The following RASGEF1B variants were observed in gnomAD, a reference collection of about 807,000 sequenced individuals.
RASGEF1B encodes the protein ras-GEF domain-containing family member 1B.
A neutral mutation model predicts 65.7 loss-of-function variants in RASGEF1B; 30 were observed. That is an observed-to-expected ratio of 0.46 (90% CI 0.34 to 0.62). The LOEUF (loss-of-function observed/expected upper bound fraction) is 0.62, where lower values mean the gene tolerates loss of function less well. Ranked by LOEUF, RASGEF1B falls within the 20% of genes least tolerant of loss-of-function variation. The pLI is 0.01. For missense variants in RASGEF1B, 495 were observed against 580.1 expected (o/e 0.85, Z 1.51); for synonymous variants, 175 against 194.8 (o/e 0.90, Z 0.85).
At chr4:81,466,770 A>AAAAAAAAAGAAAGAAAG (rs748492254) in intron 1 of RASGEF1B, among the ~76,000 whole-genome samples, 22 of 36,096 alleles carry the variant, frequency 6.1e-4, no homozygotes, top group African/African-American at 2.0e-3. Context: ...AAAAAAAAAA[A>AAAAAAAAAGAAAGAAAG]AAAGAAAGAA....
chr4:81,461,167 C>T (rs527316061), intron 1 of RASGEF1B, among the ~76,000 whole-genome samples: 523 of 152,314 alleles, frequency 3.4e-3, no homozygotes, highest in Admixed American at 0.01. Context: ...ATGAGTACTA[C>T]TCCTGTGCAA....
At chr4:81,466,770 A>AGAAAGAAAGAAAGAAAGAAAGAAGGAAAG (rs1553947089) in intron 1 of RASGEF1B, among the ~76,000 whole-genome samples, 1 of 36,100 alleles carries the variant, frequency 2.8e-5, no homozygotes, top group African/African-American at 9.5e-5. Flanking sequence ...AAAAAAAAAA[A>AGAAAGAAAGAAAGAAAGAAAGAAGGAAAG]AAAGAAAGAA....
intron 1 of RASGEF1B, among the ~76,000 whole-genome samples, chr4:81,461,960 G>A (rs1183607097): frequency 4.6e-5 from 7 of 152,186 alleles, no homozygotes; most frequent in Admixed American, 3.9e-4. Context: ...AAACGGTCAT[G>A]GGTCACTCAG....
intron 1 of RASGEF1B, among the ~76,000 whole-genome samples, chr4:81,466,777 A>AGAAAG (rs1722837592): frequency 1.5e-5 from 2 of 136,126 alleles, no homozygotes; most frequent in African/African-American, 6.0e-5. Context: ...AAAAAAAGAA[A>AGAAAG]GAAAGAAAGA....
At chr4:81,439,933 C>T (rs78235718) in intron 10 of RASGEF1B, among the ~76,000 whole-genome samples, 3,026 of 152,204 alleles carry the variant, frequency 0.02, 115 homozygotes, top group African/African-American at 0.069. Context: ...GAACCAAGTT[C>T]GCATTTATTA....
intron 1 of RASGEF1B, among the ~76,000 whole-genome samples, chr4:81,462,959 T>C (rs183677219): frequency 1.5e-3 from 224 of 152,280 alleles, no homozygotes; most frequent in African/African-American, 5.1e-3. Flanking sequence ...ATAACTCGCT[T>C]GGGGTTAGAC....
chr4:81,434,653 G>T lies in RASGEF1B; in HGVS notation c.1186C>A (p.His396Asn). 6.3e-7 allele frequency: 1 copy of T among 1,593,006 alleles called. No individual in the cohort carries two copies. The highest frequency in any genetic ancestry group is 8.6e-7 in the Non-Finnish European group (1 of 1,160,886). ...EGCANRLPNG[H>N]VNFEKFWELA... ...ATCACACTCACCTCAAAATTGACAT[G>T]GCCATTGGGAAGGCGGTTGGCACAA... Residue 396 changes from histidine (H) to asparagine (N), a missense_variant, in exon 11 of 14, where the codon CAT becomes AAT. By Grantham distance (68) the His-to-Asn change is moderately conservative. Coordinates refer to ENST00000264400, the MANE Select transcript of RASGEF1B (RefSeq NM_152545.3).
intron 10 of RASGEF1B, among the ~76,000 whole-genome samples, chr4:81,436,172 T>C (rs1039642096): frequency 2.0e-5 from 3 of 152,176 alleles, no homozygotes; most frequent in African/African-American, 7.2e-5. Flanking sequence ...ATAAACTTTT[T>C]TTTTAGATAA....
chr4:81,436,826 G>A (rs1225820842), intron 10 of RASGEF1B, among the ~76,000 whole-genome samples: 1 of 152,082 alleles, frequency 6.6e-6, no homozygotes, highest in Admixed American at 6.5e-5. Flanking sequence ...TAAAAAACAA[G>A]TTTTGATTAT....
In RASGEF1B at chr4:81,433,887, C is replaced by T. The variant is rs755507736; in HGVS notation, c.1277G>A (p.Arg426Gln). 1.2e-5 allele frequency: 20 copies of T among 1,613,882 alleles called. No homozygotes were observed. Among genetic ancestry groups the T allele is most frequent in the African/African-American group, 6.7e-5 (5 of 74,896 alleles). ...TGTGAGCAGATACTGCAAGATCTTC[C>T]GGTCCCTCTCAAATGGACACTCCAC... Reference protein sequence around the residue: ...KQVECPFERDRKILQYLLTVP... With the variant: ...KQVECPFERDQKILQYLLTVP... Residue 426 changes from arginine (R) to glutamine (Q), a missense_variant, in exon 12 of 14, where the codon CGG (arginine) becomes CAG (glutamine). By Grantham distance (43) the Arg-to-Gln change is conservative (BLOSUM62 1). Coordinates refer to ENST00000264400, the MANE Select transcript of RASGEF1B (RefSeq NM_152545.3).
intron 3 of RASGEF1B, among the ~76,000 whole-genome samples, chr4:81,457,174 G>C (rs1009534739): frequency 1.3e-5 from 2 of 152,020 alleles, no homozygotes; most frequent in Non-Finnish European, 2.9e-5. Flanking sequence ...GCGCCACCAG[G>C]GCCAGCTAAT....
intron 10 of RASGEF1B, 48 bp downstream of exon 10, chr4:81,440,786 A>C: frequency 4.7e-6 from 6 of 1,278,174 alleles, no homozygotes; most frequent in Non-Finnish European, 6.7e-6. Flanking sequence ...ATTTCAGCAT[A>C]AAACACAGCA....
intron 12 of RASGEF1B, 150 bp downstream of exon 12, chr4:81,433,690 C>T (rs956939722): frequency 7.1e-6 from 5 of 705,336 alleles, no homozygotes; most frequent in Non-Finnish European, 1.1e-5. Context: ...AGGGACAAAT[C>T]ATACATTTTC....
At chr4:81,437,783 A>C (rs1006964091) in intron 10 of RASGEF1B, among the ~76,000 whole-genome samples, 4 of 152,244 alleles carry the variant, frequency 2.6e-5, no homozygotes, top group Admixed American at 6.5e-5. Context: ...GCAAGAAAGA[A>C]GCCTTGCAGG....
At chr4:81,435,413 C>G (rs1391583273) in intron 10 of RASGEF1B, among the ~76,000 whole-genome samples, 24 of 107,954 alleles carry the variant, frequency 2.2e-4, no homozygotes, top group Middle Eastern at 4.2e-3. Flanking sequence ...GCGAGACTCC[C>G]TCTCAAAAAA....
rs751049533 is a variant in RASGEF1B at position 81,457,490 on chromosome 4, TACC to T, written c.300+6_300+8del. The T allele has an allele frequency of 6.2e-7, 1 of 1,612,000 alleles. No individual in the cohort carries two copies. Among genetic ancestry groups the T allele is most frequent in the African/African-American group, 1.3e-5 (1 of 74,902 alleles). ...ATTCCTAATAAAACAAATTGTAATG[TACC>T]ATTACCTTATCACTATCAGGATCAC... On this transcript the variant is annotated splice_donor_region_variant and intron_variant, in intron 3 of 13. Transcript: ENST00000264400.
At chr4:81,436,101 T>C (rs528779092) in intron 10 of RASGEF1B, among the ~76,000 whole-genome samples, 1 of 152,166 alleles carries the variant, frequency 6.6e-6, no homozygotes, top group Non-Finnish European at 1.5e-5. Flanking sequence ...GATTTTAAGA[T>C]GCATGACCCA....
chr4:81,427,150 A>C lies in RASGEF1B; in HGVS notation c.*618T>G, dbSNP rs1043396363. The C allele has an allele frequency of 1.3e-5, 2 of 152,666 alleles. No homozygotes were observed. The highest frequency in any genetic ancestry group is 6.5e-5 in the Admixed American group (1 of 15,274). 9.5% of individuals were successfully genotyped at this position (152,666 alleles called of 1,614,324 possible). On this transcript the variant is annotated 3_prime_UTR_variant, in exon 14 of 14. Transcript: ENST00000264400. ...GGTAAAAAGGAGTTTGCTAACCAGCAGCCAACTCAAAACCTTGTAGGAGGA... is the reference window on the plus strand; with the variant it reads ...GGTAAAAAGGAGTTTGCTAACCAGCCGCCAACTCAAAACCTTGTAGGAGGA...
Position 81,435,374 on chromosome 4 carries a change from G to T in RASGEF1B, c.1105-640C>A, listed in dbSNP as rs200413057. Among the ~76,000 whole-genome samples, 7 of 134,500 alleles carry T rather than the reference G, an allele frequency of 5.2e-5. No individual in the cohort carries two copies. The East Asian group carries it at 1.6e-3, about 31-fold the overall frequency. 88.2% of individuals were successfully genotyped at this position (134,500 alleles called of 152,430 possible). A position where few individuals can be genotyped will look rare whatever the true frequency, so the allele number is the denominator to read the frequency against. On this transcript the variant is annotated intron_variant, in intron 10 of 13. Coordinates refer to ENST00000264400, the MANE Select transcript of RASGEF1B (RefSeq NM_152545.3). The stretch of plus-strand genomic sequence containing the variant: ...TGCAGTGAGCCGAGATTGCGCCACT[G>T]CAGTCCGCAGTCCGGCCTGGGCGAC...
Sources: gnomAD v4.1 joint callset for allele counts (sites outside exome capture counted in the v4.1 genomes callset) on GRCh38, gnomAD v4.1.1 for gene constraint, MANE v1.5 for transcripts, NCBI Gene and HGNC (gene_info 2026-07-23, HGNC 2026-07-21) for gene names.